The following CCSER1 variants were observed in gnomAD, a reference collection of about 807,000 sequenced individuals.
CCSER1 encodes coiled-coil serine rich protein 1, also known as serine-rich coiled-coil domain-containing protein 1.
CCSER1 carries 41 observed loss-of-function variants against 82.0 expected under a neutral mutation model. The observed-to-expected ratio is 0.50, with a 90% CI of 0.39 to 0.65. CCSER1 has a LOEUF of 0.65. Ranked by LOEUF, CCSER1 falls within the 30% of genes least tolerant of loss-of-function variation. CCSER1 has a pLI of 0.00. For missense variants in CCSER1, 1,119 were observed against 1,064.2 expected (o/e 1.05, Z -0.72); for synonymous variants, 414 against 383.9 (o/e 1.08, Z -0.92).
chr4:91,084,753 A>G (rs1461479358), intron 9 of CCSER1, among the ~76,000 whole-genome samples: 1 of 152,166 alleles, frequency 6.6e-6, no homozygotes, highest in Non-Finnish European at 1.5e-5. Flanking sequence ...ATGGTATGCC[A>G]TGTTGATCCT....
chr4:91,476,468 C>T (rs1202383290), intron 10 of CCSER1, among the ~76,000 whole-genome samples: 1 of 151,526 alleles, frequency 6.6e-6, no homozygotes, highest in African/African-American at 2.4e-5. Flanking sequence ...GTCCATACCG[C>T]CCAAAGTGAT....
intron 9 of CCSER1, among the ~76,000 whole-genome samples, chr4:90,958,414 C>T (rs544382160): frequency 6.6e-6 from 1 of 152,162 alleles, no homozygotes; most frequent in Non-Finnish European, 1.5e-5. Context: ...CCCTTGTGGT[C>T]TCCCTGCATA....
intron 10 of CCSER1, among the ~76,000 whole-genome samples, chr4:91,226,524 A>T (rs1340070972): frequency 6.6e-6 from 1 of 151,934 alleles, no homozygotes; most frequent in Non-Finnish European, 1.5e-5. Context: ...TTATGGGGGC[A>T]TGTGAAGTGA....
chr4:91,071,095 A>C (rs1055405289), intron 9 of CCSER1, among the ~76,000 whole-genome samples: 1 of 152,242 alleles, frequency 6.6e-6, no homozygotes, highest in Non-Finnish European at 1.5e-5. Context: ...ATTTAGATAC[A>C]TGGATGCTTA....
chr4:90,936,462 C>T (rs1456968484), intron 9 of CCSER1, among the ~76,000 whole-genome samples: 7 of 152,098 alleles, frequency 4.6e-5, no homozygotes, highest in African/African-American at 1.7e-4. Flanking sequence ...TAAAATGACA[C>T]AGATGGATTA....
At chr4:91,033,421 A>T (rs576654064) in intron 9 of CCSER1, among the ~76,000 whole-genome samples, 57 of 152,154 alleles carry the variant, frequency 3.7e-4, no homozygotes, top group African/African-American at 1.3e-3. Flanking sequence ...CTTCCTTTGC[A>T]CTCCAGTCTC....
chr4:90,231,649 G>A (rs1026616061), intron 1 of CCSER1, among the ~76,000 whole-genome samples: 6 of 150,624 alleles, frequency 4.0e-5, no homozygotes, highest in African/African-American at 1.5e-4. Context: ...AGGAAATAAA[G>A]GGTATTCAAT....
intron 5 of CCSER1, among the ~76,000 whole-genome samples, chr4:90,551,678 T>TTCTCTCTCTC (rs71596530): frequency 0.031 from 2,709 of 88,266 alleles, 63 homozygotes; most frequent in South Asian, 0.044. Context: ...AAAAATATAA[T>TTCTCTCTCTC]TCTCTCTCTC....
In CCSER1 at chr4:91,248,621, G is replaced by A. The variant is rs1370494303; in HGVS notation, c.2217+162627G>A. Among the ~76,000 whole-genome samples the A allele has an allele frequency of 6.6e-5, 10 of 152,086 alleles. No homozygotes were observed. In the East Asian group the frequency reaches 1.3e-3, roughly 20 times the overall value. ...AACTATCAAAGTCATTCAAAAACAAGGATTGTCTGAGAAACTGTCACAGCT... is the reference window on the plus strand; with the variant it reads ...AACTATCAAAGTCATTCAAAAACAAAGATTGTCTGAGAAACTGTCACAGCT... On this transcript the variant is annotated intron_variant, in intron 10 of 10. Transcript: ENST00000509176.
At chr4:91,281,597 G>A (rs146581689) in intron 10 of CCSER1, among the ~76,000 whole-genome samples, 4 of 152,296 alleles carry the variant, frequency 2.6e-5, no homozygotes, top group Admixed American at 2.0e-4. Context: ...GTATCATGTA[G>A]TAAATGCCTC....
chr4:90,536,423 A>C (rs2153633454), intron 5 of CCSER1, among the ~76,000 whole-genome samples: 1 of 152,326 alleles, frequency 6.6e-6, no homozygotes, highest in Non-Finnish European at 1.5e-5. Context: ...AGGGAGGATT[A>C]AGTGTATATA....
intron 3 of CCSER1, among the ~76,000 whole-genome samples, chr4:90,393,635 C>G (rs1751517378): frequency 6.6e-6 from 1 of 151,840 alleles, no homozygotes; most frequent in South Asian, 2.1e-4. Context: ...TAAAATATAA[C>G]AGTATAGATA....
chr4:91,167,230 A>T (rs2148992909), intron 10 of CCSER1, among the ~76,000 whole-genome samples: 1 of 143,830 alleles, frequency 7.0e-6, no homozygotes. Flanking sequence ...GCTGTCACAC[A>T]GACTAGAGTG....
At chr4:90,560,776 A>T (rs1778674743) in intron 5 of CCSER1, among the ~76,000 whole-genome samples, 1 of 152,180 alleles carries the variant, frequency 6.6e-6, no homozygotes, top group African/African-American at 2.4e-5. Context: ...TTTTCAAAAT[A>T]CCTGATACTC....
At chr4:90,471,199 T>C (rs1192728569) in intron 5 of CCSER1, among the ~76,000 whole-genome samples, 1 of 152,150 alleles carries the variant, frequency 6.6e-6, no homozygotes, top group African/African-American at 2.4e-5. Flanking sequence ...TTGTTCTGGG[T>C]GTGCTATTGA....
chr4:91,311,638 AT>A (rs1745486417), intron 10 of CCSER1, among the ~76,000 whole-genome samples: 1 of 151,958 alleles, frequency 6.6e-6, no homozygotes. Context: ...ATTTCTAGTA[AT>A]TTTTTTAAAA....
intron 9 of CCSER1, among the ~76,000 whole-genome samples, chr4:90,940,347 C>A (rs1465439895): frequency 6.7e-6 from 1 of 149,276 alleles, no homozygotes; most frequent in Non-Finnish European, 1.5e-5. Flanking sequence ...TCCTTTTATT[C>A]TTTCCTTGTA....
chr4:90,667,460 A>G (rs920764287), intron 6 of CCSER1, among the ~76,000 whole-genome samples: 4 of 152,072 alleles, frequency 2.6e-5, no homozygotes, highest in Admixed American at 2.6e-4. Context: ...CATCATATAC[A>G]TTAGACATTT....
intron 8 of CCSER1, among the ~76,000 whole-genome samples, chr4:90,828,185 A>G (rs1760709626): frequency 6.6e-6 from 1 of 152,166 alleles, no homozygotes; most frequent in South Asian, 2.1e-4. Context: ...CCTATATCCA[A>G]CATACCTCAA....
Sources: allele counts gnomAD v4.1 joint callset (sites outside exome capture counted in the v4.1 genomes callset), GRCh38; gene constraint gnomAD v4.1.1; transcripts MANE v1.5; gene names NCBI Gene and HGNC (gene_info 2026-07-23, HGNC 2026-07-21).